The following LZTR1 variants were observed in gnomAD, a reference collection of about 807,000 sequenced individuals.
LZTR1 encodes the protein leucine-zipper-like transcriptional regulator 1.
In LZTR1, 260 loss-of-function variants were observed where a neutral mutation model predicts 105.7. The ratio of observed to expected loss-of-function variants is 2.46; its 90% CI spans 2.22 to 2.72. The LOEUF is 2.72. Among genes scored for constraint, LZTR1 ranks in the 30% most tolerant of loss-of-function variants. The probability of loss-of-function intolerance (pLI) is 0.00; values close to 1 mark genes in which losing one functional copy is unlikely to be tolerated. For missense variants in LZTR1, 1,214 were observed against 1,166.9 expected (o/e 1.04, Z -0.59); for synonymous variants, 490 against 476.4 (o/e 1.03, Z -0.37).
rs946342520 is a variant in LZTR1, at chr22:20,996,426, G to A, written c.2220-270G>A. ...GGTACTCCTTATGTCACTTCAGTAG[G>A]GGTCTGAACATGGAGGGTCAGGATG... On this transcript the variant is annotated intron_variant, in intron 18 of 20. Coordinates refer to ENST00000646124, the MANE Select transcript of LZTR1 (RefSeq NM_006767.4). The A allele has an allele frequency of 2.0e-5, 12 of 591,614 alleles. No individual in the cohort carries two copies. In the African/African-American group the frequency reaches 2.0e-4, roughly 10 times the overall value. The allele number at this position is 591,614 out of a possible 1,614,324, so 36.6% of individuals were successfully genotyped here.
intron 9 of LZTR1, 87 bp downstream of exon 9, chr22:20,991,916 G>A (rs1924621931): frequency 2.3e-6 from 3 of 1,296,292 alleles, no homozygotes; most frequent in Admixed American, 2.2e-5. Flanking sequence ...CAGCTTTGGG[G>A]CCCCCTGGGG....
rs1464199103 is a variant in LZTR1, at chr22:20,993,970, G to T, written c.1400G>T (p.Ser467Ile). The T allele has an allele frequency of 6.2e-7, 1 of 1,612,514 alleles. No homozygotes were observed. The highest frequency in any genetic ancestry group is 8.5e-7 in the Non-Finnish European group (1 of 1,179,840). The stretch of plus-strand genomic sequence containing the variant: ...CACGTAGCCATTGTCACAGCGCGGA[G>T]CCGCTGGCTTCGCAGGAAGATCACG... The part of the protein sequence containing the change: ...QGHVAIVTAR[S>I]RWLRRKITQA... The change falls in exon 13 of 21, where the codon AGC becomes ATC. Residue 467 changes from serine to isoleucine, a missense_variant. Coordinates refer to ENST00000646124, the MANE Select transcript of LZTR1 (RefSeq NM_006767.4).
intron 11 of LZTR1, chr22:20,993,200 A>T: frequency 2.2e-6 from 1 of 451,818 alleles, no homozygotes; most frequent in Non-Finnish European, 4.0e-6. Context: ...AGCCTGGCCC[A>T]GGGCAGAGCC....
chr22:20,993,593 G>A (rs887545342), intron 11 of LZTR1, 69 bp from the exon 12 acceptor site: 9 of 1,373,604 alleles, frequency 6.6e-6, no homozygotes, highest in Admixed American at 5.6e-5. Flanking sequence ...CCTCAGGGTC[G>A]GCCTGCACAG....
chr22:20,987,182 T>G (rs1264308827), intron 3 of LZTR1: 2 of 224,040 alleles, frequency 8.9e-6, no homozygotes, highest in Non-Finnish European at 1.7e-5. Context: ...TCACCTGAGG[T>G]CAGAACTTCA....
intron 11 of LZTR1, chr22:20,993,257 G>A (rs1014781421): frequency 2.4e-6 from 1 of 418,380 alleles, no homozygotes; most frequent in South Asian, 3.0e-5. Context: ...AGGCCTGGAG[G>A]AGCAGGTGGT....
chr22:20,996,945 CATT>C lies in LZTR1; in HGVS notation c.2386_2388del (p.Ile796del), dbSNP rs1924878863. ...ACATGAAGCGGCACTGCCTGCACAT[CATT>C]GTGCACCAGTTCACCAAGGTCAGGG... On this transcript the variant is annotated inframe_deletion, in exon 20 of 21. Transcript: ENST00000646124. The C allele has an allele frequency of 4.3e-6, 7 of 1,613,520 alleles. No individual in the cohort carries two copies. Among genetic ancestry groups the C allele is most frequent in the Non-Finnish European group, 5.9e-6 (7 of 1,179,892 alleles).
chr22:20,983,053 A>G lies in LZTR1; in HGVS notation c.227A>G (p.Tyr76Cys), dbSNP rs200965586. 1 of 1,614,158 alleles carries G rather than the reference A, an allele frequency of 6.2e-7. No individual in the cohort carries two copies. The highest frequency in any genetic ancestry group is 8.5e-7 in the Non-Finnish European group (1 of 1,180,006). The change falls in exon 2 of 21, where the codon TAT becomes TGT. Residue 76 changes from tyrosine to cysteine, a missense_variant. Transcript: ENST00000646124. ...CGCAGCAAGCACACAGTGGTGGCCT[A>G]TAAAGATGCCATTTATGTATTTGGT... Reference protein sequence around the residue: ...ARRSKHTVVAYKDAIYVFGGD... With the variant: ...ARRSKHTVVACKDAIYVFGGD...
intron 6 of LZTR1, 36 bp downstream of exon 6, chr22:20,988,908 A>G: frequency 6.3e-7 from 1 of 1,576,160 alleles, no homozygotes; most frequent in Non-Finnish European, 8.7e-7. Flanking sequence ...CCCACCTCCG[A>G]CAGCACTGAG....
chr22:20,995,135 G>T, intron 16 of LZTR1, 109 bp downstream of exon 16: 1 of 1,263,044 alleles, frequency 7.9e-7, no homozygotes, highest in Non-Finnish European at 1.1e-6. Flanking sequence ...GGTGGGGGTG[G>T]GTGCCATGGG....
At position 20,989,634 on chromosome 22, in the gene LZTR1, CAT is replaced by C. The variant is rs776788495; in HGVS notation, c.604_605del (p.Met202ValfsTer57). Reference sequence around the variant, plus strand: ...GTCTGTCCTAATACAGGTTGAATGACATGTGGACAATTGGCCTCCAGGACCGA... The same window carrying C: ...GTCTGTCCTAATACAGGTTGAATGACGTGGACAATTGGCCTCCAGGACCGA... ...GYDGNARLNDMWTIGLQDREL... is the reference protein window; with the variant it reads ...GYDGNARLNDXWTIGLQDREL... On this transcript the variant is annotated frameshift_variant, in exon 7 of 21. Transcript: ENST00000646124. LOFTEE classifies it high-confidence loss of function. 23 of 1,613,682 alleles carry C rather than the reference CAT, an allele frequency of 1.4e-5. No homozygotes were observed. Among genetic ancestry groups the C allele is most frequent in the Middle Eastern group, 1.6e-4 (1 of 6,062 alleles).
chr22:20,994,851 C>G lies in LZTR1; in HGVS notation c.1786-19C>G. 6.2e-7 allele frequency: 1 copy of G among 1,612,496 alleles called. No individual in the cohort carries two copies. The highest frequency in any genetic ancestry group is 8.5e-7 in the Non-Finnish European group (1 of 1,179,606). ...CCCTGGCTTGACTCTGCCTGCCTGC[C>G]TGTGCCTGTCTGCCCCAGGAGCACT... On this transcript the variant is annotated intron_variant, in intron 15 of 20. Coordinates refer to ENST00000646124, the MANE Select transcript of LZTR1 (RefSeq NM_006767.4).
chr22:20,994,924 A>T lies in LZTR1; in HGVS notation c.1840A>T (p.Met614Leu). The T allele has an allele frequency of 1.2e-6, 2 of 1,613,402 alleles. No homozygotes were observed. The highest frequency in any genetic ancestry group is 1.7e-6 in the Non-Finnish European group (2 of 1,180,016). The change falls in exon 16 of 21, where the codon ATG becomes TTG. Residue 614 changes from methionine (M) to leucine (L), a missense_variant. Physicochemically the swap from Met to Leu is conservative, Grantham distance 15. Transcript: ENST00000646124. Reference protein sequence around the residue: ...KESHFNQVIMMKEFERLSSPL... With the variant: ...KESHFNQVIMLKEFERLSSPL... ...GTCCCACTTCAACCAGGTGATCATGATGAAGGAGTTCGAGCGCCTCTCCTC... is the reference window on the plus strand; with the variant it reads ...GTCCCACTTCAACCAGGTGATCATGTTGAAGGAGTTCGAGCGCCTCTCCTC...
At chr22:20,997,070 C>T (rs1399593342) in intron 20 of LZTR1, 104 bp downstream of exon 20, 2 of 1,291,536 alleles carry the variant, frequency 1.5e-6, no homozygotes, top group Non-Finnish European at 2.2e-6. Context: ...GTGGTGGGCC[C>T]TGGGGGTGAG....
Position 20,990,386 on chromosome 22 carries a change from G to A in LZTR1, c.652G>A (p.Val218Met), listed in dbSNP as rs770126689. 6.2e-6 allele frequency: 10 copies of A among 1,614,006 alleles called. No individual in the cohort carries two copies. In the South Asian group the frequency reaches 1.1e-4, roughly 18 times the overall value. The change falls in exon 8 of 21, where the codon GTG becomes ATG. Residue 218 changes from valine (V) to methionine (M), a missense_variant and splice_region_variant. Val to Met is a conservative substitution (Grantham distance 21). Coordinates refer to ENST00000646124, the MANE Select transcript of LZTR1 (RefSeq NM_006767.4). ...GCTGAGCTGTCCTCTCCCCCTGCAG[G>A]TGGCCCAGAGTGGCGAGATCCCCCC... Reference protein sequence around the residue: ...QDRELTCWEEVAQSGEIPPSC... With the variant: ...QDRELTCWEEMAQSGEIPPSC...
chr22:20,992,964 CTG>C (rs2147966142), intron 11 of LZTR1, 60 bp downstream of exon 11: 1 of 1,202,824 alleles, frequency 8.3e-7, no homozygotes, highest in East Asian at 2.6e-5. Context: ...TGATGAGAAA[CTG>C]AGGCCAAGTT....
At chr22:20,995,468 G>C (rs1015816842) in intron 16 of LZTR1, 2 of 653,096 alleles carry the variant, frequency 3.1e-6, no homozygotes, top group South Asian at 1.5e-5. Flanking sequence ...TGGGCCTGGA[G>C]GGGGCTTGAT....
intron 5 of LZTR1, 42 bp from the exon 6 acceptor site, chr22:20,988,747 G>T: frequency 1.3e-6 from 2 of 1,502,892 alleles, no homozygotes; most frequent in Non-Finnish European, 9.3e-7. Context: ...TCAGGTCTGT[G>T]CTGGGCGGCC....
At chr22:20,995,147 C>A in intron 16 of LZTR1, 121 bp downstream of exon 16, 1 of 1,075,888 alleles carries the variant, frequency 9.3e-7, no homozygotes, top group Non-Finnish European at 1.3e-6. Context: ...TGCCATGGGA[C>A]CCCAGAGTGC....
Sources: allele counts gnomAD v4.1 joint callset, GRCh38; gene constraint gnomAD v4.1.1; transcripts MANE v1.5; gene names NCBI Gene and HGNC (gene_info 2026-07-23, HGNC 2026-07-21).